The following PRPF3 variants were observed in gnomAD, a reference collection of about 807,000 sequenced individuals.
PRPF3 encodes the protein U4/U6 small nuclear ribonucleoprotein Prp3.
In PRPF3, 3 loss-of-function variants were observed where a neutral mutation model predicts 89.2. The observed-to-expected ratio is 0.03, with a 90% CI of 0.02 to 0.09. The LOEUF (loss-of-function observed/expected upper bound fraction) is 0.09. PRPF3 is among the 10% of genes least tolerant of loss of function. PRPF3 has a pLI of 1.00. For missense variants in PRPF3, 463 were observed against 828.8 expected (o/e 0.56, Z 5.42); for synonymous variants, 270 against 289.1 (o/e 0.93, Z 0.67).
Position 150,328,345 on chromosome 1 carries a change from T to C in PRPF3, c.302T>C (p.Ile101Thr). The change falls in exon 4 of 16, where the codon ATC (isoleucine) becomes ACC (threonine). Residue 101 changes from isoleucine to threonine, a missense_variant. Physicochemically the swap from Ile to Thr is moderately conservative, Grantham distance 89 (BLOSUM62 -1). Transcript: ENST00000324862. ...LKEVFGDDSEISKESSGVKKR... is the reference protein window; with the variant it reads ...LKEVFGDDSETSKESSGVKKR... ...GAGGTGTTTGGTGATGACTCTGAGA[T>C]CTCTAAAGAATCATCAGGAGTAAAG... 1 of 1,613,798 alleles carries C rather than the reference T, an allele frequency of 6.2e-7. No homozygotes were observed. Among genetic ancestry groups the C allele is most frequent in the Non-Finnish European group, 8.5e-7 (1 of 1,179,970 alleles).
At chr1:150,352,295 C>T (rs905113890) in intron 15 of PRPF3, among the ~76,000 whole-genome samples, 2 of 152,174 alleles carry the variant, frequency 1.3e-5, no homozygotes, top group African/African-American at 4.8e-5. Context: ...TCCACCCAGG[C>T]ACCAGAGCAA....
At chr1:150,346,724 TC>T (rs1327473120) in intron 14 of PRPF3, among the ~76,000 whole-genome samples, 3 of 152,210 alleles carry the variant, frequency 2.0e-5, no homozygotes, top group Admixed American at 6.6e-5. Flanking sequence ...TTAAGGCTTT[TC>T]TACCAGCTGG....
chr1:150,332,818 T>C, intron 5 of PRPF3, 51 bp downstream of exon 5: 1 of 1,589,524 alleles, frequency 6.3e-7, no homozygotes, highest in South Asian at 1.1e-5. Context: ...ACAGAATTTC[T>C]TGCCATCCAC....
At chr1:150,342,034 C>T (rs1321651861) in intron 9 of PRPF3, among the ~76,000 whole-genome samples, 2 of 151,798 alleles carry the variant, frequency 1.3e-5, no homozygotes, top group Non-Finnish European at 2.9e-5. Flanking sequence ...TGCCAGGTAT[C>T]ATTGAATGAG....
At chr1:150,329,140 C>G (rs587721210) in intron 4 of PRPF3, among the ~76,000 whole-genome samples, 1 of 151,778 alleles carries the variant, frequency 6.6e-6, no homozygotes, top group East Asian at 1.9e-4. Flanking sequence ...AGCGATTCTC[C>G]TGCCTAAGCC....
intron 12 of PRPF3, among the ~76,000 whole-genome samples, chr1:150,345,150 A>G (rs186265011): frequency 7.2e-4 from 109 of 152,182 alleles, no homozygotes; most frequent in African/African-American, 2.5e-3. Context: ...AAAGTGGTAC[A>G]TTATCACAAA....
At chr1:150,344,328 A>G (rs1478719920) in intron 11 of PRPF3, 67 bp downstream of exon 11, 7 of 1,613,886 alleles carry the variant, frequency 4.3e-6, no homozygotes, top group South Asian at 2.2e-5. Context: ...TGGGGGGTCC[A>G]TATTTGGAGG....
chr1:150,334,638 T>A (rs1295955157), intron 6 of PRPF3, among the ~76,000 whole-genome samples: 1 of 151,984 alleles, frequency 6.6e-6, no homozygotes, highest in African/African-American at 2.4e-5. Context: ...ATAACTCTTA[T>A]AGAGAAGGCA....
intron 13 of PRPF3, 70 bp from the exon 14 acceptor site, chr1:150,346,338 T>C (rs1658268456): frequency 6.8e-7 from 1 of 1,480,962 alleles, no homozygotes; most frequent in South Asian, 1.1e-5. Context: ...CATTAATGTC[T>C]GAGCTCAGAG....
chr1:150,328,286 G>T, intron 3 of PRPF3, 34 bp from the exon 4 acceptor site: 1 of 1,612,668 alleles, frequency 6.2e-7, no homozygotes, highest in Non-Finnish European at 8.5e-7. Flanking sequence ...CACGGGGAGG[G>T]ATACAGCTTT....
rs1553868450 is a variant in PRPF3 at position 150,337,762 on chromosome 1, T to TCAA, written c.1036-398_1036-397insCAA. ...CTGGGTGACAGAGTGAGACTCCGTC[T>TCAA]ACAAAAAAAAAAAAAAATATTTGGG... On this transcript the variant is annotated intron_variant, in intron 7 of 15. Coordinates refer to ENST00000324862, the MANE Select transcript of PRPF3 (RefSeq NM_004698.4). Among the ~76,000 whole-genome samples, 79 of 110,442 alleles carry TCAA rather than the reference T, an allele frequency of 7.2e-4. 9 individuals are homozygous for TCAA. Among genetic ancestry groups the TCAA allele is most frequent in the East Asian group, 1.4e-3 (3 of 2,212 alleles). 72.5% of individuals were successfully genotyped at this position (110,442 alleles called of 152,430 possible). A position where few individuals can be genotyped will look rare whatever the true frequency, so the allele number is the denominator to read the frequency against.
chr1:150,328,385 C>T lies in PRPF3; in HGVS notation c.342C>T (p.Pro114=). Residue 114 remains proline, a synonymous_variant, in exon 4 of 16, where the codon CCC becomes CCT. Coordinates refer to ENST00000324862, the MANE Select transcript of PRPF3 (RefSeq NM_004698.4). The part of the protein sequence containing the change: ...ESSGVKKRRI[P]RFEEVEEEPE... Reference sequence around the variant, plus strand: ...CAGGAGTAAAGAAGCGACGAATACCCCGTTTTGAGGAGGTGGAAGAAGAGC... The same window carrying T: ...CAGGAGTAAAGAAGCGACGAATACCTCGTTTTGAGGAGGTGGAAGAAGAGC... The T allele has an allele frequency of 6.2e-7, 1 of 1,613,760 alleles. No homozygotes were observed. The highest frequency in any genetic ancestry group is 8.5e-7 in the Non-Finnish European group (1 of 1,179,966).
Position 150,338,318 on chromosome 1 carries a change from C to T in PRPF3, c.1194C>T (p.Gly398=). Reference sequence around the variant, plus strand: ...GGGACTCTTACATAATCCCCAATGGCTTTGATCTGTGAGTTTGTTTTAGTA... The same window carrying T: ...GGGACTCTTACATAATCCCCAATGGTTTTGATCTGTGAGTTTGTTTTAGTA... ...EWWDSYIIPN[G]FDLTEENPKR... Residue 398 remains glycine, a synonymous_variant, in exon 8 of 16, where the codon GGC becomes GGT. Transcript: ENST00000324862. 1.2e-6 allele frequency: 2 copies of T among 1,613,906 alleles called. No homozygotes were observed. Among genetic ancestry groups the T allele is most frequent in the Non-Finnish European group, 1.7e-6 (2 of 1,179,924 alleles).
intron 14 of PRPF3, among the ~76,000 whole-genome samples, chr1:150,347,896 C>T (rs1658454450): frequency 6.6e-6 from 1 of 152,108 alleles, no homozygotes; most frequent in African/African-American, 2.4e-5. Flanking sequence ...ATTGCTAGCC[C>T]AGGAAAATCT....
rs781811442 is a variant in PRPF3, at chr1:150,333,001, A to G, written c.530A>G (p.Gln177Arg). Residue 177 changes from glutamine (Q) to arginine (R), a missense_variant, in exon 6 of 16, where the codon CAA becomes CGA. Gln to Arg is a conservative substitution (Grantham distance 43). Transcript: ENST00000324862. ...CAGCCAAAGACTCCTTCTTCCTCCCAACCAGAACGACTTCCTATTGGCAAC... is the reference window on the plus strand; with the variant it reads ...CAGCCAAAGACTCCTTCTTCCTCCCGACCAGAACGACTTCCTATTGGCAAC... ...TPQPKTPSSS[Q>R]PERLPIGNTI... The G allele has an allele frequency of 6.2e-7, 1 of 1,613,762 alleles. No individual in the cohort carries two copies. The highest frequency in any genetic ancestry group is 1.3e-5 in the African/African-American group (1 of 75,038).
rs587699934 is a variant in PRPF3, at chr1:150,350,028, T to C, written c.1905+810T>C. Among the ~76,000 whole-genome samples the C allele has an allele frequency of 3.4e-3, 510 of 151,978 alleles. 13 individuals carry two copies. The highest frequency in any genetic ancestry group is 6.0e-4 in the Non-Finnish European group (41 of 67,962). On this transcript the variant is annotated intron_variant, in intron 15 of 15. Coordinates refer to ENST00000324862, the MANE Select transcript of PRPF3 (RefSeq NM_004698.4). Reference sequence around the variant, plus strand: ...CTCCTGCCTCAGCCTCCCAAGTAGCTGGGATTACAGGTGCACGCCACCATG... The same window carrying C: ...CTCCTGCCTCAGCCTCCCAAGTAGCCGGGATTACAGGTGCACGCCACCATG...
At chr1:150,336,581 C>T (rs1218486422) in intron 7 of PRPF3, among the ~76,000 whole-genome samples, 3 of 151,996 alleles carry the variant, frequency 2.0e-5, no homozygotes, top group African/African-American at 7.2e-5. Context: ...CATGGTGAAA[C>T]CCCGTCTCTA....
At chr1:150,321,630 G>T (rs1480560031) in intron 1 of PRPF3, 38 bp downstream of exon 1, 3 of 152,676 alleles carry the variant, frequency 2.0e-5, no homozygotes, top group Admixed American at 6.6e-5. Flanking sequence ...GGTAATTCCA[G>T]TCCGCGCCAC....
intron 2 of PRPF3, 100 bp downstream of exon 2, chr1:150,325,187 A>T (rs1655568291): frequency 7.2e-7 from 1 of 1,396,180 alleles, no homozygotes; most frequent in Non-Finnish European, 9.9e-7. Flanking sequence ...ATCTAAAAAA[A>T]TGGCAGGCCA....
Sources: allele counts gnomAD v4.1 joint callset (sites outside exome capture counted in the v4.1 genomes callset), GRCh38; gene constraint gnomAD v4.1.1; transcripts MANE v1.5; gene names NCBI Gene and HGNC (gene_info 2026-07-23, HGNC 2026-07-21).